Variants in LRFN2 observed in about 807,000 individuals in gnomAD.
LRFN2 encodes leucine-rich repeat and fibronectin type-III domain-containing protein 2.
LRFN2 carries 18 observed loss-of-function variants against 37.3 expected under a neutral mutation model. That is an observed-to-expected ratio of 0.48 (90% CI 0.33 to 0.72). LRFN2 has a LOEUF of 0.72. Ranked by LOEUF, LRFN2 falls within the 30% of genes least tolerant of loss-of-function variation. The pLI, the probability that LRFN2 is intolerant of heterozygous loss-of-function variation, is 0.02. For synonymous variants in LRFN2, 556 were observed against 466.6 expected (o/e 1.19, Z -2.47); for missense variants, 1,006 against 1,060.7 (o/e 0.95, Z 0.72).
intron 1 of LRFN2, among the ~76,000 whole-genome samples, chr6:40,557,812 GT>G (rs1470750162): frequency 6.6e-6 from 1 of 152,172 alleles, no homozygotes; most frequent in Non-Finnish European, 1.5e-5. Flanking sequence ...TCCTTGCAAA[GT>G]TTAAGTGGGT....
intron 2 of LRFN2, among the ~76,000 whole-genome samples, chr6:40,402,283 A>C (rs561577390): frequency 7.9e-5 from 12 of 152,304 alleles, no homozygotes; most frequent in Admixed American, 7.8e-4. Flanking sequence ...AGGCTCAGGC[A>C]GATAGAACCC....
chr6:40,527,804 C>G (rs1286875660), intron 1 of LRFN2, among the ~76,000 whole-genome samples: 1 of 152,156 alleles, frequency 6.6e-6, no homozygotes, highest in Non-Finnish European at 1.5e-5. Flanking sequence ...TTTGAAACTA[C>G]GTGCTTATGT....
chr6:40,432,553 G>A lies in LRFN2; in HGVS notation c.561C>T (p.His187=). The A allele has an allele frequency of 1.2e-6, 2 of 1,614,258 alleles. No homozygotes were observed. The highest frequency in any genetic ancestry group is 1.7e-6 in the Non-Finnish European group (2 of 1,180,054). ...GGTCTGCAAAGGTGCCCTCGGCGAT[G>A]TGATCCAGCAGGTTGTGGTCCAGGC... ...QLSLDHNLLD[H]IAEGTFADLQ... The change falls in exon 2 of 3, where the codon CAC becomes CAT. Residue 187 remains histidine, a synonymous_variant. Transcript: ENST00000338305.
chr6:40,476,116 G>A (rs551019597), intron 1 of LRFN2, among the ~76,000 whole-genome samples: 3 of 152,270 alleles, frequency 2.0e-5, no homozygotes, highest in South Asian at 2.1e-4. Flanking sequence ...GCCTGATTCC[G>A]TTCAGCCCAT....
chr6:40,515,828 G>A (rs1467039305), intron 1 of LRFN2, among the ~76,000 whole-genome samples: 13 of 149,862 alleles, frequency 8.7e-5, no homozygotes, highest in African/African-American at 3.0e-4. Flanking sequence ...GGGAGGAGGA[G>A]GTTGCAGTGA....
chr6:40,405,510 G>C (rs750413265), intron 2 of LRFN2, among the ~76,000 whole-genome samples: 5 of 152,126 alleles, frequency 3.3e-5, no homozygotes, highest in Non-Finnish European at 5.9e-5. Context: ...AGTAAGCCCC[G>C]CATGAGGGTC....
At chr6:40,569,888 C>T (rs1013588061) in intron 1 of LRFN2, among the ~76,000 whole-genome samples, 2 of 152,072 alleles carry the variant, frequency 1.3e-5, no homozygotes, top group African/African-American at 2.4e-5. Context: ...GTCTCAGGTC[C>T]GGCCCTGACT....
chr6:40,523,532 T>G (rs1211041395), intron 1 of LRFN2, among the ~76,000 whole-genome samples: 1 of 75,722 alleles, frequency 1.3e-5, no homozygotes, highest in Non-Finnish European at 2.5e-5. Context: ...TTTTTTTTTT[T>G]TTTACCGATA....
intron 1 of LRFN2, among the ~76,000 whole-genome samples, chr6:40,446,463 T>C (rs1376288079): frequency 6.6e-6 from 1 of 152,202 alleles, no homozygotes; most frequent in Non-Finnish European, 1.5e-5. Context: ...ACAGGCTTTT[T>C]AGTAATTCTC....
At chr6:40,494,922 A>C (rs1227657850) in intron 1 of LRFN2, among the ~76,000 whole-genome samples, 2 of 151,890 alleles carry the variant, frequency 1.3e-5, no homozygotes, top group East Asian at 1.9e-4. Context: ...TCTTCCAAGT[A>C]CTCTTGTTGT....
intron 1 of LRFN2, among the ~76,000 whole-genome samples, chr6:40,495,884 C>A (rs1033521525): frequency 4.6e-5 from 7 of 152,188 alleles, no homozygotes; most frequent in African/African-American, 1.7e-4. Context: ...CCAGCCCAGC[C>A]CTTTCCTCCA....
intron 1 of LRFN2, among the ~76,000 whole-genome samples, chr6:40,444,524 A>G (rs115930394): frequency 0.012 from 1,885 of 152,206 alleles, 42 homozygotes; most frequent in African/African-American, 0.042. Context: ...TGCATTCCTA[A>G]TATTGTCTTT....
chr6:40,567,230 C>T (rs1767106331), intron 1 of LRFN2, among the ~76,000 whole-genome samples: 3 of 152,134 alleles, frequency 2.0e-5, no homozygotes, highest in Non-Finnish European at 4.4e-5. Context: ...GGAACAGTCT[C>T]CTGCTACCAA....
chr6:40,526,077 A>G (rs1422630252), intron 1 of LRFN2, among the ~76,000 whole-genome samples: 2 of 152,260 alleles, frequency 1.3e-5, no homozygotes, highest in Non-Finnish European at 2.9e-5. Flanking sequence ...TGCAGGGCAC[A>G]GTTCTGAGCA....
chr6:40,517,778 A>G (rs192044900), intron 1 of LRFN2, among the ~76,000 whole-genome samples: 2 of 152,176 alleles, frequency 1.3e-5, no homozygotes, highest in African/African-American at 4.8e-5. Context: ...TTGATGGCAT[A>G]GTGTGTACGT....
chr6:40,429,905 A>G (rs1205387664), intron 2 of LRFN2, among the ~76,000 whole-genome samples: 1 of 152,216 alleles, frequency 6.6e-6, no homozygotes, highest in East Asian at 1.9e-4. Flanking sequence ...AAGATACAGA[A>G]TATACACTGG....
At chr6:40,579,656 C>G (rs1561914881) in intron 1 of LRFN2, among the ~76,000 whole-genome samples, 2 of 151,636 alleles carry the variant, frequency 1.3e-5, no homozygotes, top group Non-Finnish European at 2.9e-5. Flanking sequence ...AGGTGAAGGG[C>G]TGCACTAGAA....
chr6:40,405,511 C>T (rs1265335713), intron 2 of LRFN2, among the ~76,000 whole-genome samples: 9 of 152,178 alleles, frequency 5.9e-5, no homozygotes, highest in Non-Finnish European at 8.8e-5. Flanking sequence ...GTAAGCCCCG[C>T]ATGAGGGTCT....
At chr6:40,485,481 A>G (rs1418167516) in intron 1 of LRFN2, among the ~76,000 whole-genome samples, 2 of 152,210 alleles carry the variant, frequency 1.3e-5, no homozygotes, top group African/African-American at 2.4e-5. Flanking sequence ...AATTTACTCA[A>G]TATGTTTGCT....
Sources: allele counts gnomAD v4.1 joint callset (sites outside exome capture counted in the v4.1 genomes callset), GRCh38; gene constraint gnomAD v4.1.1; transcripts MANE v1.5; gene names NCBI Gene and HGNC (gene_info 2026-07-23, HGNC 2026-07-21).